The following TIFA variants were observed in gnomAD, a reference collection of about 807,000 sequenced individuals.
TIFA encodes TRAF-interacting protein with FHA domain-containing protein A.
For synonymous variants in TIFA, 75 were observed against 79.2 expected, an observed-to-expected ratio of 0.95 and a Z score of 0.28; for missense variants, 186 against 215.2, an observed-to-expected ratio of 0.86 and a Z score of 0.85.
chr4:112,283,399 G>C (rs1727261519), intron 1 of TIFA, among the ~76,000 whole-genome samples: 1 of 152,098 alleles, frequency 6.6e-6, no homozygotes, highest in Non-Finnish European at 1.5e-5. Flanking sequence ...TGTTAGCATG[G>C]ACCTAGTACT....
intron 1 of TIFA, among the ~76,000 whole-genome samples, chr4:112,280,060 G>T (rs1261005364): frequency 6.6e-6 from 1 of 152,112 alleles, no homozygotes; most frequent in African/African-American, 2.4e-5. Flanking sequence ...ACAGAATTCT[G>T]TAACTGTAGC....
Position 112,274,673 on chromosome 4 carries a change from G to C in TIFA, c.*3189C>G, listed in dbSNP as rs371377600. On this transcript the variant is annotated 3_prime_UTR_variant, in exon 2 of 2. Transcript: ENST00000361717. Reference sequence around the variant, plus strand: ...AACAGTAGTTCTCTTCTGGTAGTAAGATTATGGCTAATTTTTCTACAAGGC... The same window carrying C: ...AACAGTAGTTCTCTTCTGGTAGTAACATTATGGCTAATTTTTCTACAAGGC... 6.6e-6 allele frequency: 1 copy of C among 152,066 alleles called. No homozygotes were observed. Among genetic ancestry groups the C allele is most frequent in the East Asian group, 1.9e-4 (1 of 5,198 alleles). The allele number at this position is 152,066 out of a possible 1,614,324, so 9.4% of individuals were successfully genotyped here.
At chr4:112,278,562 C>T (rs1214757181) in intron 1 of TIFA, 128 bp from the exon 2 acceptor site, 6 of 699,476 alleles carry the variant, frequency 8.6e-6, no homozygotes, top group Admixed American at 3.6e-5. Flanking sequence ...AGTACATAGA[C>T]AATACTTTCA....
Position 112,275,629 on chromosome 4 carries a change from A to G in TIFA, c.*2233T>C, listed in dbSNP as rs1727096055. 1 of 152,228 alleles carries G rather than the reference A, an allele frequency of 6.6e-6. No individual in the cohort carries two copies. Among genetic ancestry groups the G allele is most frequent in the South Asian group, 2.1e-4 (1 of 4,830 alleles). 9.4% of individuals were successfully genotyped at this position (152,228 alleles called of 1,614,324 possible). The stretch of plus-strand genomic sequence containing the variant: ...CCAATCTTTGAAGAAAAGAAAATAG[A>G]ATAAAAAATTTAATATTTCTCAAGT... On this transcript the variant is annotated 3_prime_UTR_variant, in exon 2 of 2. Transcript: ENST00000361717.
At chr4:112,278,571 C>G in intron 1 of TIFA, 137 bp from the exon 2 acceptor site, 1 of 642,494 alleles carries the variant, frequency 1.6e-6, no homozygotes, top group Non-Finnish European at 2.5e-6. Context: ...ACAATACTTT[C>G]AGTGAACTAG....
chr4:112,275,379 C>T lies in TIFA; in HGVS notation c.*2483G>A, dbSNP rs1195008830. 6.6e-6 allele frequency: 1 copy of T among 152,198 alleles called. No homozygotes were observed. Among genetic ancestry groups the T allele is most frequent in the Non-Finnish European group, 1.5e-5 (1 of 68,036 alleles). The allele number at this position is 152,198 out of a possible 1,614,324, so 9.4% of individuals were successfully genotyped here. On this transcript the variant is annotated 3_prime_UTR_variant, in exon 2 of 2. Transcript: ENST00000361717. The stretch of plus-strand genomic sequence containing the variant: ...TCACCTGAGGTCTGCTGCATTCCTT[C>T]CTCGGTTCTATGAAATATGGTAGCT...
intron 1 of TIFA, among the ~76,000 whole-genome samples, chr4:112,281,251 C>A (rs1727223062): frequency 6.6e-6 from 1 of 152,218 alleles, no homozygotes; most frequent in African/African-American, 2.4e-5. Context: ...GTATTAAAAA[C>A]CATGGTGTAT....
At chr4:112,278,709 A>T (rs1287144896) in intron 1 of TIFA, among the ~76,000 whole-genome samples, 1 of 152,212 alleles carries the variant, frequency 6.6e-6, no homozygotes, top group Admixed American at 6.5e-5. Context: ...GATTTTTGAT[A>T]ATAAAATGAT....
intron 1 of TIFA, chr4:112,281,860 T>C (rs984464822): frequency 6.6e-6 from 1 of 152,212 alleles, no homozygotes; most frequent in African/African-American, 2.4e-5. Context: ...AATAAGCCAC[T>C]GAGATTTTTT....
intron 1 of TIFA, among the ~76,000 whole-genome samples, chr4:112,282,370 T>TGTGCCAGGCA (rs1267182121): frequency 6.6e-6 from 1 of 152,224 alleles, no homozygotes; most frequent in Non-Finnish European, 1.5e-5. Flanking sequence ...ATGCCTTTCA[T>TGTGCCAGGCA]GTGCCAGGCA....
Position 112,278,210 on chromosome 4 carries a change from C to A in TIFA, c.207G>T (p.Gln69His). The change falls in exon 2 of 2, where the codon CAG becomes CAT. Residue 69 changes from glutamine to histidine, a missense_variant. Transcript: ENST00000361717. ...TFQDKQVSRV[Q>H]FSLQLFKKFN... Reference sequence around the variant, plus strand: ...ATTTTTTAAACAGCTGCAGAGAAAACTGAACTCGGGAAACCTGTTTGTCCT... The same window carrying A: ...ATTTTTTAAACAGCTGCAGAGAAAAATGAACTCGGGAAACCTGTTTGTCCT... The A allele has an allele frequency of 6.2e-7, 1 of 1,613,134 alleles. No individual in the cohort carries two copies. Among genetic ancestry groups the A allele is most frequent in the Non-Finnish European group, 8.5e-7 (1 of 1,179,714 alleles).
At chr4:112,282,374 C>A (rs967447726) in intron 1 of TIFA, among the ~76,000 whole-genome samples, 4 of 152,174 alleles carry the variant, frequency 2.6e-5, no homozygotes, top group African/African-American at 9.7e-5. Context: ...CTTTCATGTG[C>A]CAGGCAGACT....
Position 112,277,675 on chromosome 4 carries a change from A to AGCCGTATC in TIFA, c.*186_*187insGATACGGC. The AGCCGTATC allele has an allele frequency of 2.2e-5, 8 of 363,384 alleles. No individual in the cohort carries two copies. The South Asian group carries it at 3.8e-4, about 17-fold the overall frequency. 22.5% of individuals were successfully genotyped at this position (363,384 alleles called of 1,614,324 possible). On this transcript the variant is annotated 3_prime_UTR_variant, in exon 2 of 2. Coordinates refer to ENST00000361717, the MANE Select transcript of TIFA (RefSeq NM_052864.3). ...TTAAAATAATTTTGTGTAGATCCAG[A>AGCCGTATC]ATACAACAGGTGACTAAGTTAATGA... is the stretch of plus-strand genomic sequence containing the variant.
chr4:112,283,210 C>T (rs1466163967), intron 1 of TIFA, among the ~76,000 whole-genome samples: 1 of 152,128 alleles, frequency 6.6e-6, no homozygotes, highest in Non-Finnish European at 1.5e-5. Context: ...TAGCAGTTAA[C>T]CTGTAGAGAA....
Position 112,276,228 on chromosome 4 carries a change from A to G in TIFA, c.*1634T>C, listed in dbSNP as rs1226516430. 6.5e-6 allele frequency: 1 copy of G among 153,014 alleles called. No individual in the cohort carries two copies. The highest frequency in any genetic ancestry group is 2.4e-5 in the African/African-American group (1 of 41,432). 9.5% of individuals were successfully genotyped at this position (153,014 alleles called of 1,614,324 possible). The stretch of plus-strand genomic sequence containing the variant: ...TTTCTGGCTTCCAGATGTCCAATGC[A>G]CACTTTCCAGCTTCAAGAGACTGTC... On this transcript the variant is annotated 3_prime_UTR_variant, in exon 2 of 2. Coordinates refer to ENST00000361717, the MANE Select transcript of TIFA (RefSeq NM_052864.3).
intron 1 of TIFA, among the ~76,000 whole-genome samples, chr4:112,284,172 G>T (rs1340619020): frequency 6.6e-6 from 1 of 152,144 alleles, no homozygotes; most frequent in East Asian, 1.9e-4. Context: ...GTTGGGAAGA[G>T]AAGAGTTAGA....
chr4:112,281,489 A>G (rs1214513144), intron 1 of TIFA, among the ~76,000 whole-genome samples: 5 of 152,208 alleles, frequency 3.3e-5, no homozygotes, highest in East Asian at 1.9e-4. Context: ...GGGCAGATCA[A>G]TTGTCTGGGT....
intron 1 of TIFA, among the ~76,000 whole-genome samples, chr4:112,284,336 T>C (rs2110507962): frequency 6.6e-6 from 1 of 151,766 alleles, no homozygotes; most frequent in Non-Finnish European, 1.5e-5. Context: ...CTCACTAAGG[T>C]CCTGCAAAGC....
rs1727108998 is a variant in TIFA, at chr4:112,276,189, A to G, written c.*1673T>C. ...TCCACAAGACTTTGTTCCTTTCTGG[A>G]TATTTCTTTGTCTTTTCTGGCTTCC... On this transcript the variant is annotated 3_prime_UTR_variant, in exon 2 of 2. Coordinates refer to ENST00000361717, the MANE Select transcript of TIFA (RefSeq NM_052864.3). 1.3e-5 allele frequency: 2 copies of G among 152,804 alleles called. No individual in the cohort carries two copies. The highest frequency in any genetic ancestry group is 6.5e-5 in the Admixed American group (1 of 15,282). The allele number at this position is 152,804 out of a possible 1,614,324, so 9.5% of individuals were successfully genotyped here. A position where few individuals can be genotyped will look rare whatever the true frequency, so the allele number is the denominator to read the frequency against.
Sources: allele counts gnomAD v4.1 joint callset (sites outside exome capture counted in the v4.1 genomes callset), GRCh38; gene constraint gnomAD v4.1.1; transcripts MANE v1.5; gene names NCBI Gene and HGNC (gene_info 2026-07-23, HGNC 2026-07-21).